Variants in ADGRL3 observed in about 807,000 individuals in gnomAD.
ADGRL3 encodes adhesion G protein-coupled receptor L3.
A neutral mutation model predicts 153.5 loss-of-function variants in ADGRL3; 62 were observed. The ratio of observed to expected loss-of-function variants is 0.40; its 90% CI spans 0.33 to 0.50. The LOEUF (loss-of-function observed/expected upper bound fraction) is 0.50, where lower values mean the gene tolerates loss of function less well. Ranked by LOEUF, ADGRL3 falls within the 20% of genes least tolerant of loss-of-function variation. The pLI is 0.47. For synonymous variants in ADGRL3, 710 were observed against 672.5 expected (o/e 1.06, Z -0.86); for missense variants, 1,641 against 1,859.4 (o/e 0.88, Z 2.16).
At chr4:61,588,566 G>A (rs888864366) in intron 5 of ADGRL3, among the ~76,000 whole-genome samples, 2 of 151,876 alleles carry the variant, frequency 1.3e-5, no homozygotes, top group African/African-American at 2.4e-5. Context: ...GCAAATCTGA[G>A]GGCTTTTATT....
intron 8 of ADGRL3, among the ~76,000 whole-genome samples, chr4:61,749,791 A>T (rs1234749065): frequency 1.3e-5 from 2 of 152,106 alleles, no homozygotes; most frequent in Non-Finnish European, 2.9e-5. Context: ...GTACACCAGC[A>T]TGGCACATGT....
intron 8 of ADGRL3, among the ~76,000 whole-genome samples, chr4:61,750,205 A>T: frequency 7.3e-6 from 1 of 136,802 alleles, no homozygotes; most frequent in South Asian, 2.4e-4. Flanking sequence ...AAAAAAAAAA[A>T]AAGGCAGTAT....
chr4:61,595,924 T>C (rs2098987228), intron 5 of ADGRL3, among the ~76,000 whole-genome samples: 1 of 152,116 alleles, frequency 6.6e-6, no homozygotes, highest in African/African-American at 2.4e-5. Context: ...TTTAATTCTC[T>C]GCTGTGACAG....
At chr4:61,401,711 G>A (rs1225457825) in intron 2 of ADGRL3, among the ~76,000 whole-genome samples, 3 of 151,806 alleles carry the variant, frequency 2.0e-5, no homozygotes, top group Admixed American at 6.6e-5. Context: ...CTCTAAATAC[G>A]GAAAATGCTA....
chr4:61,781,263 T>C (rs901065886), intron 8 of ADGRL3, among the ~76,000 whole-genome samples: 2 of 149,366 alleles, frequency 1.3e-5, no homozygotes, highest in Non-Finnish European at 2.9e-5. Context: ...GAAGCAGAGG[T>C]TGCAGTGAGC....
chr4:61,849,985 T>A (rs1235049272), intron 9 of ADGRL3, among the ~76,000 whole-genome samples: 1 of 152,140 alleles, frequency 6.6e-6, no homozygotes, highest in Non-Finnish European at 1.5e-5. Context: ...TCAGGCAGAT[T>A]TGAGGCATTG....
intron 25 of ADGRL3, among the ~76,000 whole-genome samples, chr4:62,053,307 T>C (rs893487853): frequency 6.6e-6 from 1 of 151,570 alleles, no homozygotes; most frequent in Non-Finnish European, 1.5e-5. Flanking sequence ...AATTGGGTAG[T>C]ATTTGATTAA....
At chr4:61,366,354 T>C (rs1267699423) in intron 1 of ADGRL3, among the ~76,000 whole-genome samples, 2 of 152,202 alleles carry the variant, frequency 1.3e-5, no homozygotes, top group Non-Finnish European at 2.9e-5. Context: ...AAGTGGAGTA[T>C]AGCCTGACAT....
intron 2 of ADGRL3, among the ~76,000 whole-genome samples, chr4:61,445,093 A>G (rs1003123541): frequency 9.9e-5 from 15 of 152,122 alleles, no homozygotes; most frequent in African/African-American, 3.6e-4. Context: ...GTGGAGGATA[A>G]TTTCACTGTT....
chr4:61,784,343 A>G (rs1039703566), intron 8 of ADGRL3, among the ~76,000 whole-genome samples: 16 of 152,246 alleles, frequency 1.1e-4, no homozygotes, highest in African/African-American at 3.6e-4. Context: ...TGTGTATTAT[A>G]CAATTCCGAA....
chr4:61,425,358 A>G (rs1351738158), intron 2 of ADGRL3: 1 of 152,268 alleles, frequency 6.6e-6, no homozygotes, highest in African/African-American at 2.4e-5. Flanking sequence ...GTCTCTAGCC[A>G]TGTCCAGTTC....
In ADGRL3 at chr4:61,733,330, A is replaced by G. The variant is rs1580507146; in HGVS notation, c.1175A>G (p.Lys392Arg). The G allele has an allele frequency of 6.2e-7, 1 of 1,613,602 alleles. No homozygotes were observed. The highest frequency in any genetic ancestry group is 1.3e-5 in the African/African-American group (1 of 74,912). The change falls in exon 8 of 27, where the codon AAA becomes AGA. Residue 392 changes from lysine (K) to arginine (R), a missense_variant. Coordinates refer to ENST00000683033, the MANE Select transcript of ADGRL3 (RefSeq NM_001387552.1). ...FMICGILYVV[K>R]SVYEDDDNEA... The stretch of plus-strand genomic sequence containing the variant: ...ATTTGTGGAATTCTGTATGTGGTCA[A>G]ATCTGTATATGAGGATGATGACAAT...
At chr4:61,608,473 C>T (rs1027943536) in intron 5 of ADGRL3, among the ~76,000 whole-genome samples, 7 of 151,896 alleles carry the variant, frequency 4.6e-5, no homozygotes, top group Non-Finnish European at 7.4e-5. Flanking sequence ...AAAACTGAGG[C>T]GAATATTAGA....
At chr4:61,524,805 A>G (rs2098550548) in intron 4 of ADGRL3, among the ~76,000 whole-genome samples, 1 of 152,134 alleles carries the variant, frequency 6.6e-6, no homozygotes. Context: ...ATATAATGGA[A>G]GATCCATGAA....
intron 1 of ADGRL3, among the ~76,000 whole-genome samples, chr4:61,357,897 A>G (rs565527811): frequency 1.3e-5 from 2 of 152,330 alleles, no homozygotes; most frequent in East Asian, 1.9e-4. Flanking sequence ...GGAAACTTCA[A>G]GGTTTAAATA....
chr4:62,029,075 A>T (rs532724015), intron 22 of ADGRL3, among the ~76,000 whole-genome samples, 194 bp downstream of exon 22: 2 of 151,864 alleles, frequency 1.3e-5, no homozygotes, highest in African/African-American at 4.8e-5. Context: ...TGCCAAAAAA[A>T]AATTCTGCTT....
chr4:61,444,105 C>T (rs1020572979), intron 2 of ADGRL3, among the ~76,000 whole-genome samples: 1 of 152,134 alleles, frequency 6.6e-6, no homozygotes, highest in African/African-American at 2.4e-5. Context: ...TATGCAAATC[C>T]ATTCTATGCA....
chr4:62,060,434 G>A (rs535508913), intron 25 of ADGRL3, among the ~76,000 whole-genome samples: 5 of 151,784 alleles, frequency 3.3e-5, no homozygotes, highest in African/African-American at 1.2e-4. Flanking sequence ...TTGAGGGAGT[G>A]TAAAGAATTT....
rs187231356 is a variant in ADGRL3 at position 62,037,235 on chromosome 4, G to T, written c.3592-496G>T. ...TTCTGTCTTTAAATATCTTTTCTCT[G>T]CTTCCTCACTTTCTCTGATATTTCT... is the stretch of plus-strand genomic sequence containing the variant. On this transcript the variant is annotated intron_variant, in intron 23 of 26. Transcript: ENST00000683033. Among the ~76,000 whole-genome samples, 260 of 151,974 alleles carry T rather than the reference G, an allele frequency of 1.7e-3. 1 individual carries two copies. The highest frequency in any genetic ancestry group is 5.9e-3 in the African/African-American group (243 of 41,462).
Sources: allele counts gnomAD v4.1 joint callset (sites outside exome capture counted in the v4.1 genomes callset), GRCh38; gene constraint gnomAD v4.1.1; transcripts MANE v1.5; gene names NCBI Gene and HGNC (gene_info 2026-07-23, HGNC 2026-07-21).